The following USH2A variants were observed in gnomAD, a reference collection of about 807,000 sequenced individuals.
The protein encoded by USH2A is Usher syndrome 2A (autosomal recessive, mild).
USH2A carries 443 observed loss-of-function variants against 538.9 expected under a neutral mutation model. The ratio of observed to expected loss-of-function variants is 0.82; its 90% CI spans 0.76 to 0.89. The LOEUF (loss-of-function observed/expected upper bound fraction) is 0.89, where lower values mean the gene tolerates loss of function less well. Among genes scored for constraint, USH2A ranks in the 40% least tolerant of loss-of-function variants. The probability of loss-of-function intolerance (pLI) is 0.00; values close to 1 mark genes in which losing one functional copy is unlikely to be tolerated. For synonymous variants in USH2A, 2,413 were observed against 2,273.5 expected (o/e 1.06, Z -1.75); for missense variants, 6,633 against 6,324.8 (o/e 1.05, Z -1.65).
At chr1:215,879,361 G>A (rs1417264024) in intron 41 of USH2A, among the ~76,000 whole-genome samples, 1 of 152,146 alleles carries the variant, frequency 6.6e-6, no homozygotes, top group East Asian at 1.9e-4. Flanking sequence ...ACACCTTAGC[G>A]ATTCATCGCC....
intron 21 of USH2A, among the ~76,000 whole-genome samples, chr1:216,165,825 A>G (rs1422063731): frequency 1.3e-5 from 2 of 149,128 alleles, no homozygotes; most frequent in Non-Finnish European, 3.0e-5. Flanking sequence ...TTTTTTTTCA[A>G]CAGGTGTTTT....
chr1:216,167,588 G>A (rs1360687766), intron 21 of USH2A, among the ~76,000 whole-genome samples: 1 of 152,066 alleles, frequency 6.6e-6, no homozygotes, highest in Non-Finnish European at 1.5e-5. Flanking sequence ...CACGTGGACA[G>A]CCCACCCCAA....
In USH2A at chr1:216,012,196, G is replaced by A. The variant is rs965985256; in HGVS notation, c.6326-11634C>T. ...AATCATCACACACCAGCAAAGGCAG[G>A]CTATGCTACAGTACAAGCCACTAGC... On this transcript the variant is annotated intron_variant, in intron 32 of 71. Transcript: ENST00000307340. Among the ~76,000 whole-genome samples, 8 of 149,574 alleles carry A rather than the reference G, an allele frequency of 5.3e-5. No homozygotes were observed. The East Asian group carries it at 1.6e-3, about 30-fold the overall frequency.
At chr1:216,087,283 C>A (rs2032164895) in intron 23 of USH2A, among the ~76,000 whole-genome samples, 1 of 152,160 alleles carries the variant, frequency 6.6e-6, no homozygotes, top group African/African-American at 2.4e-5. Context: ...GTTCCCTTGG[C>A]TTTCAATACC....
chr1:216,376,797 G>T (rs1171660286), intron 3 of USH2A, among the ~76,000 whole-genome samples: 4 of 152,062 alleles, frequency 2.6e-5, no homozygotes, highest in Non-Finnish European at 5.9e-5. Flanking sequence ...CATTTATCAT[G>T]CCAGCACTCA....
intron 49 of USH2A, among the ~76,000 whole-genome samples, chr1:215,810,136 GA>G (rs1662625225): frequency 6.6e-6 from 1 of 152,036 alleles, no homozygotes; most frequent in Non-Finnish European, 1.5e-5. Context: ...ATTTAAAAAA[GA>G]ATCAAAATTT....
intron 3 of USH2A, among the ~76,000 whole-genome samples, chr1:216,382,323 T>G (rs2038935225): frequency 6.6e-6 from 1 of 152,088 alleles, no homozygotes; most frequent in South Asian, 2.1e-4. Context: ...AAGGAAAAAG[T>G]AGGATTAAGC....
chr1:215,796,674 T>C (rs12404720), intron 50 of USH2A, among the ~76,000 whole-genome samples: 71,651 of 151,852 alleles, frequency 0.47, 17,415 homozygotes, highest in Admixed American at 0.59. Flanking sequence ...CAATAGCCTC[T>C]AAGTGTTCAA....
intron 9 of USH2A, among the ~76,000 whole-genome samples, chr1:216,302,325 T>A (rs1167730651): frequency 6.6e-6 from 1 of 152,166 alleles, no homozygotes; most frequent in Non-Finnish European, 1.5e-5. Flanking sequence ...TTTAATTGAA[T>A]AGTAACATTA....
intron 38 of USH2A, among the ~76,000 whole-genome samples, chr1:215,917,715 G>A (rs936098312): frequency 7.0e-6 from 1 of 142,408 alleles, no homozygotes; most frequent in Admixed American, 7.6e-5. Context: ...AGGCTGAGAT[G>A]GGCAGATTGC....
Position 215,743,132 on chromosome 1 carries a change from T to C in USH2A, c.11548+45A>G, listed in dbSNP as rs889685302. 6 of 1,595,626 alleles carry C rather than the reference T, an allele frequency of 3.8e-6. No homozygotes were observed. In the African/African-American group the frequency reaches 4.0e-5, roughly 11 times the overall value. On this transcript the variant is annotated intron_variant, in intron 59 of 71. Transcript: ENST00000307340. ...TTTTTAATGAAATTTTTTAATGAAA[T>C]ACTTTTTCATAAAAGCCCAGGCCAA...
intron 3 of USH2A, among the ~76,000 whole-genome samples, chr1:216,406,798 T>C (rs974294322): frequency 1.3e-5 from 2 of 152,134 alleles, no homozygotes; most frequent in African/African-American, 4.8e-5. Flanking sequence ...ACCACCCCTT[T>C]TTATAAATTC....
chr1:215,959,347 T>TAAGCAA (rs1436563657), intron 37 of USH2A, among the ~76,000 whole-genome samples: 1 of 152,150 alleles, frequency 6.6e-6, no homozygotes, highest in Non-Finnish European at 1.5e-5. Context: ...AGCATCTGAT[T>TAAGCAA]ATGCTCATTT....
chr1:216,033,865 G>T (rs986608419), intron 32 of USH2A, among the ~76,000 whole-genome samples: 62 of 152,266 alleles, frequency 4.1e-4, no homozygotes, highest in Non-Finnish European at 1.5e-5. Context: ...AAAAAGTTTG[G>T]ATGTGAAGGA....
At chr1:215,918,903 G>T (rs1666028558) in intron 38 of USH2A, among the ~76,000 whole-genome samples, 1 of 151,992 alleles carries the variant, frequency 6.6e-6, no homozygotes, top group African/African-American at 2.4e-5. Flanking sequence ...GCATCAGAAA[G>T]CATATGGGAT....
At chr1:216,231,435 T>C (rs2035689660) in intron 14 of USH2A, among the ~76,000 whole-genome samples, 1 of 150,168 alleles carries the variant, frequency 6.7e-6, no homozygotes, top group Admixed American at 6.7e-5. Flanking sequence ...TCCCAGATGC[T>C]AGGATGGGCC....
chr1:216,016,805 TG>T (rs901350691), intron 32 of USH2A, among the ~76,000 whole-genome samples: 2 of 135,292 alleles, frequency 1.5e-5, no homozygotes, highest in African/African-American at 5.7e-5. Context: ...AGGTGGCATG[TG>T]GTAGGGGAGC....
At chr1:215,947,292 C>A (rs1172589785) in intron 37 of USH2A, among the ~76,000 whole-genome samples, 1 of 152,152 alleles carries the variant, frequency 6.6e-6, no homozygotes, top group Non-Finnish European at 1.5e-5. Flanking sequence ...GGTCTGCCAC[C>A]CTCAGCCTCC....
At chr1:216,179,032 T>C (rs1251990459) in intron 20 of USH2A, among the ~76,000 whole-genome samples, 1 of 152,082 alleles carries the variant, frequency 6.6e-6, no homozygotes, top group Admixed American at 6.6e-5. Context: ...CTGAAGAATT[T>C]CATTGCTGTT....
Sources: allele counts gnomAD v4.1 joint callset (sites outside exome capture counted in the v4.1 genomes callset), GRCh38; gene constraint gnomAD v4.1.1; transcripts MANE v1.5; gene names NCBI Gene and HGNC (gene_info 2026-07-23, HGNC 2026-07-21).